Variants in MPP7 observed in about 807,000 individuals in gnomAD.
MPP7 encodes the protein MAGUK p55 scaffold protein 7.
MPP7 carries 60 observed loss-of-function variants against 76.5 expected under a neutral mutation model. That is an observed-to-expected ratio of 0.78 (90% CI 0.64 to 0.97). The LOEUF (loss-of-function observed/expected upper bound fraction) is 0.97, where lower values mean the gene tolerates loss of function less well. MPP7 is among the 50% of genes least tolerant of loss of function. The probability of loss-of-function intolerance (pLI) is 0.00; values close to 1 mark genes in which losing one functional copy is unlikely to be tolerated. For missense variants in MPP7, 641 were observed against 694.0 expected, an observed-to-expected ratio of 0.92 and a Z score of 0.86; for synonymous variants, 237 against 244.5, an observed-to-expected ratio of 0.97 and a Z score of 0.29.
At chr10:28,271,991 A>C (rs551547196) in intron 1 of MPP7, among the ~76,000 whole-genome samples, 1 of 152,236 alleles carries the variant, frequency 6.6e-6, no homozygotes, top group Admixed American at 6.5e-5. Flanking sequence ...CAAACAAAAA[A>C]AAGATTCTGG....
chr10:28,170,847 T>C (rs1836656531), intron 3 of MPP7, among the ~76,000 whole-genome samples: 2 of 152,182 alleles, frequency 1.3e-5, no homozygotes. Flanking sequence ...GCAACTCATA[T>C]GTCTTCATTC....
At chr10:28,334,150 A>T (rs1362714932) in intron 1 of MPP7, among the ~76,000 whole-genome samples, 1 of 152,084 alleles carries the variant, frequency 6.6e-6, no homozygotes, top group Non-Finnish European at 1.5e-5. Flanking sequence ...ACAGTGAGCC[A>T]AGATCATGCC....
At chr10:28,058,682 A>G in intron 14 of MPP7, 79 bp from the exon 15 acceptor site, 2 of 718,078 alleles carry the variant, frequency 2.8e-6, no homozygotes, top group Non-Finnish European at 4.5e-6. Context: ...CATAGGTAAA[A>G]GACGTTTCTG....
intron 11 of MPP7, among the ~76,000 whole-genome samples, chr10:28,109,867 A>AAAAAAAAAAAAAAAAAAAAC (rs1834447582): frequency 1.3e-5 from 2 of 149,438 alleles, no homozygotes; most frequent in African/African-American, 4.9e-5. Flanking sequence ...AAAAAAAAAA[A>AAAAAAAAAAAAAAAAAAAAC]AAAAAACACT....
chr10:28,084,713 T>A (rs2133423493), intron 12 of MPP7, among the ~76,000 whole-genome samples: 1 of 152,308 alleles, frequency 6.6e-6, no homozygotes, highest in Admixed American at 6.5e-5. Flanking sequence ...GAATATAACC[T>A]TTCGTGGTAA....
rs1226852623 is a variant in MPP7 at position 28,262,208 on chromosome 10, CATATATATATATATATACAT to C, written c.-131-23493_-131-23474del. 4.5e-3 allele frequency among the ~76,000 whole-genome samples: 271 copies of C among 60,068 alleles called. 21 individuals are homozygous for C. The highest frequency in any genetic ancestry group is 0.019 in the Admixed American group (79 of 4,054). 39.4% of individuals were successfully genotyped at this position (60,068 alleles called of 152,430 possible). Reference sequence around the variant, plus strand: ...AATTATATATATATATATATATATACATATATATATATATATACATATATATATATATATACATATATATA... The same window carrying C: ...AATTATATATATATATATATATATACATATATATATATATACATATATATA... On this transcript the variant is annotated intron_variant, in intron 1 of 16. Coordinates refer to ENST00000683449, the MANE Select transcript of MPP7 (RefSeq NM_001318170.2).
chr10:28,193,218 T>G (rs556621742), intron 3 of MPP7, among the ~76,000 whole-genome samples: 41 of 149,894 alleles, frequency 2.7e-4, no homozygotes, highest in Non-Finnish European at 3.7e-4. Context: ...GTTTTTTGTT[T>G]TTTTTTTTTT....
intron 2 of MPP7, among the ~76,000 whole-genome samples, chr10:28,234,252 G>T (rs1445348333): frequency 1.3e-5 from 2 of 152,000 alleles, no homozygotes; most frequent in Non-Finnish European, 2.9e-5. Flanking sequence ...AGCTCCCAAG[G>T]GCCAAAGCTG....
chr10:28,311,783 CACAA>C (rs915713686), intron 2 of MPP7, among the ~76,000 whole-genome samples: 1 of 151,690 alleles, frequency 6.6e-6, no homozygotes, highest in African/African-American at 2.4e-5. Flanking sequence ...CACACACACA[CACAA>C]ACACTGAGAT....
At chr10:28,120,042 T>C (rs1834782495) in intron 10 of MPP7, 152 bp downstream of exon 10, 3 of 799,512 alleles carry the variant, frequency 3.8e-6, no homozygotes, top group Non-Finnish European at 5.8e-6. Context: ...TCATCATACT[T>C]AGTTAGACAA....
intron 1 of MPP7, among the ~76,000 whole-genome samples, chr10:28,242,334 CACAA>C (rs139025495): frequency 0.016 from 2,390 of 152,224 alleles, 71 homozygotes; most frequent in African/African-American, 0.052. Flanking sequence ...AATAAAATAA[CACAA>C]ACAAGAGTAA....
At chr10:28,175,419 T>C (rs536125630) in intron 3 of MPP7, among the ~76,000 whole-genome samples, 6 of 143,958 alleles carry the variant, frequency 4.2e-5, no homozygotes, top group African/African-American at 1.6e-4. Flanking sequence ...GAGAGGAGGG[T>C]ACATTTTGGG....
intron 3 of MPP7, among the ~76,000 whole-genome samples, chr10:28,162,166 A>G (rs1836284419): frequency 6.6e-6 from 1 of 152,190 alleles, no homozygotes; most frequent in Non-Finnish European, 1.5e-5. Flanking sequence ...CAAAGGAAAC[A>G]CTGTTTTCCA....
chr10:28,248,285 C>A (rs374415925), intron 1 of MPP7, among the ~76,000 whole-genome samples: 1 of 152,054 alleles, frequency 6.6e-6, no homozygotes, highest in African/African-American at 2.4e-5. Context: ...AGAAGGGGAA[C>A]CTGGCTGGGA....
chr10:28,165,109 A>G (rs1055155597), intron 3 of MPP7, among the ~76,000 whole-genome samples: 1 of 152,200 alleles, frequency 6.6e-6, no homozygotes, highest in African/African-American at 2.4e-5. Flanking sequence ...TCCCAGCTGC[A>G]GCAACAATAA....
intron 3 of MPP7, among the ~76,000 whole-genome samples, chr10:28,200,563 T>C (rs936598685): frequency 6.6e-5 from 10 of 152,226 alleles, no homozygotes; most frequent in African/African-American, 2.4e-4. Context: ...TAAGAATTTG[T>C]TTTATGCATT....
chr10:28,275,653 T>C (rs573538045), intron 1 of MPP7, among the ~76,000 whole-genome samples: 4 of 151,972 alleles, frequency 2.6e-5, no homozygotes, highest in Non-Finnish European at 4.4e-5. Context: ...GGGATCCACC[T>C]GCCTCGGCCT....
intron 1 of MPP7, among the ~76,000 whole-genome samples, chr10:28,332,768 C>A (rs1243257742): frequency 6.6e-6 from 1 of 152,006 alleles, no homozygotes; most frequent in South Asian, 2.1e-4. Flanking sequence ...CTCAAGCAAT[C>A]CTCCCACCTC....
intron 2 of MPP7, among the ~76,000 whole-genome samples, chr10:28,215,783 G>A (rs1164510011): frequency 1.3e-5 from 2 of 152,120 alleles, no homozygotes; most frequent in Non-Finnish European, 2.9e-5. Context: ...ATTGTTATAA[G>A]GGTTAAATGA....
Sources: allele counts gnomAD v4.1 joint callset (sites outside exome capture counted in the v4.1 genomes callset), GRCh38; gene constraint gnomAD v4.1.1; transcripts MANE v1.5; gene names NCBI Gene and HGNC (gene_info 2026-07-23, HGNC 2026-07-21).